RAB10: variants seen among roughly 807,000 people sequenced by gnomAD.
The protein encoded by RAB10 is RAB10, member RAS oncogene family.
In RAB10, 5 loss-of-function variants were observed where a neutral mutation model predicts 25.7. That is an observed-to-expected ratio of 0.19 (90% CI 0.10 to 0.41). RAB10 has a LOEUF of 0.41. RAB10 is among the 10% of genes least tolerant of loss of function. The pLI is 1.00. For missense variants in RAB10, 103 were observed against 245.8 expected (o/e 0.42, Z 3.89); for synonymous variants, 89 against 86.4 (o/e 1.03, Z -0.16).
intron 1 of RAB10, among the ~76,000 whole-genome samples, chr2:26,056,910 CT>C (rs1292660997): frequency 2.0e-5 from 3 of 152,206 alleles, no homozygotes; most frequent in Admixed American, 6.5e-5. Flanking sequence ...GTGTGAGCCA[CT>C]GAGCCTGGCC....
chr2:26,051,633 A>C (rs892894855), intron 1 of RAB10, among the ~76,000 whole-genome samples: 1 of 150,974 alleles, frequency 6.6e-6, no homozygotes, highest in Non-Finnish European at 1.5e-5. Flanking sequence ...GAGTGCCTGT[A>C]GTCCCAGCTA....
chr2:26,091,111 C>A (rs1178752380), intron 1 of RAB10, among the ~76,000 whole-genome samples: 1 of 152,066 alleles, frequency 6.6e-6, no homozygotes, highest in African/African-American at 2.4e-5. Context: ...CATCATTTAT[C>A]TGTTTATTTG....
intron 2 of RAB10, 123 bp from the exon 3 acceptor site, chr2:26,109,645 A>T: frequency 1.0e-6 from 1 of 987,950 alleles, no homozygotes; most frequent in Non-Finnish European, 1.4e-6. Flanking sequence ...TGGGTAGGTT[A>T]TTAATTTCCT....
rs55634626 is a variant in RAB10 at position 26,080,086 on chromosome 2, G to C, written c.128-18576G>C. On this transcript the variant is annotated intron_variant, in intron 1 of 5. Transcript: ENST00000264710. ...ATTCTAGAAAACAAAGAAGTGCTCA[G>C]AAAAGGATGGGACATGTTAGAAGTA... Among the ~76,000 whole-genome samples, 157 of 152,314 alleles carry C rather than the reference G, an allele frequency of 1.0e-3. 1 individual carries two copies. Among genetic ancestry groups the C allele is most frequent in the African/African-American group, 3.6e-3 (148 of 41,574 alleles).
chr2:26,075,244 C>G (rs1440534206), intron 1 of RAB10, among the ~76,000 whole-genome samples: 2 of 151,992 alleles, frequency 1.3e-5, no homozygotes, highest in Admixed American at 6.6e-5. Flanking sequence ...CTCTTTTTTT[C>G]CCAGTCATAC....
chr2:26,046,470 G>A (rs1666006027), intron 1 of RAB10, among the ~76,000 whole-genome samples: 1 of 152,200 alleles, frequency 6.6e-6, no homozygotes, highest in Non-Finnish European at 1.5e-5. Flanking sequence ...GCAAGCATAA[G>A]TGATTGCTTG....
intron 2 of RAB10, among the ~76,000 whole-genome samples, chr2:26,109,551 A>G (rs1667531070): frequency 6.6e-6 from 1 of 152,190 alleles, no homozygotes; most frequent in South Asian, 2.1e-4. Flanking sequence ...AAGAGTTTCT[A>G]TGGTGTTTGC....
At chr2:26,041,383 A>T (rs1047918190) in intron 1 of RAB10, among the ~76,000 whole-genome samples, 1 of 151,348 alleles carries the variant, frequency 6.6e-6, no homozygotes, top group Non-Finnish European at 1.5e-5. Context: ...TCTACTAAAA[A>T]TACAAAAATT....
chr2:26,137,360 A>G lies in RAB10; in HGVS notation c.*2339A>G, dbSNP rs552536745. ...AAGTCCATTCTCTGGTACTAGCTAC[A>G]AATTCGGTTTCATATTCTACTTAAC... On this transcript the variant is annotated 3_prime_UTR_variant, in exon 6 of 6. Transcript: ENST00000264710. 2 of 152,800 alleles carry G rather than the reference A, an allele frequency of 1.3e-5. No individual in the cohort carries two copies. Among genetic ancestry groups the G allele is most frequent in the African/African-American group, 4.8e-5 (2 of 41,588 alleles). 9.5% of individuals were successfully genotyped at this position (152,800 alleles called of 1,614,324 possible).
chr2:26,066,759 A>G (rs956331570), intron 1 of RAB10, among the ~76,000 whole-genome samples: 1 of 149,226 alleles, frequency 6.7e-6, no homozygotes. Context: ...GTGGGGACAC[A>G]GCAAAACCAT....
At chr2:26,064,362 C>T (rs1337977591) in intron 1 of RAB10, among the ~76,000 whole-genome samples, 2 of 152,132 alleles carry the variant, frequency 1.3e-5, no homozygotes, top group African/African-American at 4.8e-5. Flanking sequence ...GGTGGGGTCT[C>T]ATTCTGCCAC....
In RAB10 at chr2:26,135,768, G is replaced by C. The variant is rs1030208228; in HGVS notation, c.*747G>C. ...TTCCTGCCACCATTTCTTCTCCTTGGCCACTTCTTCCTTGCGTCTCCCTGC... is the reference window on the plus strand; with the variant it reads ...TTCCTGCCACCATTTCTTCTCCTTGCCCACTTCTTCCTTGCGTCTCCCTGC... On this transcript the variant is annotated 3_prime_UTR_variant, in exon 6 of 6. Coordinates refer to ENST00000264710, the MANE Select transcript of RAB10 (RefSeq NM_016131.5). 6.6e-6 allele frequency: 1 copy of C among 152,646 alleles called. No individual in the cohort carries two copies. Among genetic ancestry groups the C allele is most frequent in the Non-Finnish European group, 1.5e-5 (1 of 68,044 alleles). The allele number at this position is 152,646 out of a possible 1,614,324, so 9.5% of individuals were successfully genotyped here.
chr2:26,114,022 A>G (rs1667633199), intron 3 of RAB10, among the ~76,000 whole-genome samples: 1 of 152,190 alleles, frequency 6.6e-6, no homozygotes, highest in Non-Finnish European at 1.5e-5. Flanking sequence ...CTTAGGAGTA[A>G]ATTTAACCAA....
chr2:26,061,749 TC>T (rs1258142268), intron 1 of RAB10, among the ~76,000 whole-genome samples: 1 of 144,790 alleles, frequency 6.9e-6, no homozygotes, highest in Non-Finnish European at 1.5e-5. Context: ...TCATATCTGC[TC>T]CCCACCCCAC....
At chr2:26,076,449 T>A (rs1204281150) in intron 1 of RAB10, among the ~76,000 whole-genome samples, 1 of 152,150 alleles carries the variant, frequency 6.6e-6, no homozygotes, top group African/African-American at 2.4e-5. Context: ...CAGGTAGTTA[T>A]TTGAGGCAGG....
At chr2:26,114,658 A>G (rs1337939281) in intron 3 of RAB10, among the ~76,000 whole-genome samples, 2 of 151,156 alleles carry the variant, frequency 1.3e-5, no homozygotes, top group Admixed American at 6.6e-5. Flanking sequence ...TGGGAGGCCA[A>G]GGTGGGTGGG....
At position 26,136,821 on chromosome 2, in the gene RAB10, G is replaced by A. The variant is rs1668121710; in HGVS notation, c.*1800G>A. 1 of 152,506 alleles carries A rather than the reference G, an allele frequency of 6.6e-6. No homozygotes were observed. 9.4% of individuals were successfully genotyped at this position (152,506 alleles called of 1,614,324 possible). On this transcript the variant is annotated 3_prime_UTR_variant, in exon 6 of 6. Transcript: ENST00000264710. The stretch of plus-strand genomic sequence containing the variant: ...AAAAACAATTTTATATGCCTCACTG[G>A]TTGTTATTCTTAGGTTATTCCCACA...
intron 1 of RAB10, among the ~76,000 whole-genome samples, chr2:26,094,615 G>C (rs2149278726): frequency 6.6e-6 from 1 of 152,004 alleles, no homozygotes; most frequent in Non-Finnish European, 1.5e-5. Flanking sequence ...CTGGAGTGCA[G>C]TGGTGCGATC....
intron 5 of RAB10, among the ~76,000 whole-genome samples, chr2:26,131,595 A>G (rs954005001): frequency 2.7e-5 from 4 of 150,190 alleles, no homozygotes; most frequent in African/African-American, 7.4e-5. Context: ...TTAAAAGGAG[A>G]AAAAAAAAGG....
Sources: gnomAD v4.1 joint callset for allele counts (sites outside exome capture counted in the v4.1 genomes callset) on GRCh38, gnomAD v4.1.1 for gene constraint, MANE v1.5 for transcripts, NCBI Gene and HGNC (gene_info 2026-07-23, HGNC 2026-07-21) for gene names.